The following BTN3A1 variants were observed in gnomAD, a reference collection of about 807,000 sequenced individuals.
BTN3A1 encodes the protein butyrophilin subfamily 3 member A1.
A neutral mutation model predicts 43.0 loss-of-function variants in BTN3A1; 24 were observed. That is an observed-to-expected ratio of 0.56 (90% CI 0.40 to 0.78). The LOEUF is 0.78. Among genes scored for constraint, BTN3A1 ranks in the 30% least tolerant of loss-of-function variants. BTN3A1 has a pLI of 0.00. For missense variants in BTN3A1, 533 were observed against 626.2 expected, an observed-to-expected ratio of 0.85 and a Z score of 1.59; for synonymous variants, 181 against 234.7, an observed-to-expected ratio of 0.77 and a Z score of 2.09.
chr6:26,405,683 A>T (rs1002006751), intron 2 of BTN3A1, 35 bp downstream of exon 2: 13 of 1,610,442 alleles, frequency 8.1e-6, no homozygotes, highest in Non-Finnish European at 1.1e-5. Context: ...TCTGAAGCAG[A>T]CAATTACCTA....
At chr6:26,412,888 A>T (rs1581634110) in intron 9 of BTN3A1, 1 of 1,495,344 alleles carries the variant, frequency 6.7e-7, no homozygotes, top group East Asian at 2.5e-5. Context: ...AAAAACGTAG[A>T]AAGGATCCTT....
chr6:26,405,528 C>T lies in BTN3A1; in HGVS notation c.-36C>T, dbSNP rs776107351. ...GCTTCTTCCAGGTCATAGTGTCTGC[C>T]CCCCACCTTCCAGTATCTCCTGATA... On this transcript the variant is annotated 5_prime_UTR_variant, in exon 2 of 10. Transcript: ENST00000289361. The T allele has an allele frequency of 4.1e-5, 66 of 1,590,366 alleles. No individual in the cohort carries two copies. Among genetic ancestry groups the T allele is most frequent in the Non-Finnish European group, 5.4e-5 (62 of 1,158,512 alleles).
rs1356154148 is a variant in BTN3A1, at chr6:26,411,825, A to G, written c.1018+244A>G. On this transcript the variant is annotated intron_variant, in intron 9 of 9. Transcript: ENST00000289361. ...CTTCCTCAGACCTTCCTGGGAAGGAAGACATATAAAGGGTGGATCTGAGGG... is the reference window on the plus strand; with the variant it reads ...CTTCCTCAGACCTTCCTGGGAAGGAGGACATATAAAGGGTGGATCTGAGGG... 1.0e-5 allele frequency: 5 copies of G among 497,682 alleles called. 1 individual carries two copies. The highest frequency in any genetic ancestry group is 1.8e-5 in the Non-Finnish European group (5 of 280,740). 30.8% of individuals were successfully genotyped at this position (497,682 alleles called of 1,614,324 possible). A position where few individuals can be genotyped will look rare whatever the true frequency, so the allele number is the denominator to read the frequency against.
intron 9 of BTN3A1, 76 bp from the exon 10 acceptor site, chr6:26,413,093 C>A: frequency 6.4e-7 from 1 of 1,551,864 alleles, no homozygotes; most frequent in Non-Finnish European, 8.7e-7. Flanking sequence ...CAGCATGGCC[C>A]AGGCCTTGCA....
At position 26,405,505 on chromosome 6, in the gene BTN3A1, T is replaced by C. The variant is rs1761982110; in HGVS notation, c.-59T>C. 4 of 1,500,954 alleles carry C rather than the reference T, an allele frequency of 2.7e-6. No individual in the cohort carries two copies. The highest frequency in any genetic ancestry group is 2.3e-5 in the East Asian group (1 of 44,326). 93.0% of individuals were successfully genotyped at this position (1,500,954 alleles called of 1,614,324 possible). ...AGGTTTCCATTTGGAATTCTATAGC[T>C]TCTTCCAGGTCATAGTGTCTGCCCC... is the stretch of plus-strand genomic sequence containing the variant. On this transcript the variant is annotated 5_prime_UTR_variant, in exon 2 of 10. Transcript: ENST00000289361.
At chr6:26,412,370 C>T (rs1199362486) in intron 9 of BTN3A1, 7 of 750,012 alleles carry the variant, frequency 9.3e-6, no homozygotes, top group South Asian at 1.5e-5. Context: ...GGAAATTAAA[C>T]GGTGTGTCTC....
chr6:26,403,089 G>A (rs1405103561), intron 1 of BTN3A1, among the ~76,000 whole-genome samples: 1 of 152,102 alleles, frequency 6.6e-6, no homozygotes, highest in East Asian at 1.9e-4. Context: ...GTTTTGAGAT[G>A]CAGTCTTGCT....
intron 5 of BTN3A1, 67 bp downstream of exon 5, chr6:26,409,800 A>T: frequency 1.2e-6 from 2 of 1,607,554 alleles, no homozygotes; most frequent in Non-Finnish European, 1.7e-6. Context: ...CCTCACGCCC[A>T]TCCCCACCGC....
rs927014852 is a variant in BTN3A1, at chr6:26,413,906, T to A, written c.*214T>A. ...AGCACGCACTGAAGCACTTTACTGATACTCATTCAATTATTCATATGACAG... is the reference window on the plus strand; with the variant it reads ...AGCACGCACTGAAGCACTTTACTGAAACTCATTCAATTATTCATATGACAG... On this transcript the variant is annotated 3_prime_UTR_variant, in exon 10 of 10. Coordinates refer to ENST00000289361, the MANE Select transcript of BTN3A1 (RefSeq NM_007048.6). 97 of 777,650 alleles carry A rather than the reference T, an allele frequency of 1.2e-4. No homozygotes were observed. The highest frequency in any genetic ancestry group is 1.8e-4 in the Non-Finnish European group (91 of 494,252). The allele number at this position is 777,650 out of a possible 1,614,324, so 48.2% of individuals were successfully genotyped here.
chr6:26,408,780 G>C (rs1294143305), intron 4 of BTN3A1, among the ~76,000 whole-genome samples: 1 of 152,040 alleles, frequency 6.6e-6, no homozygotes, highest in African/African-American at 2.4e-5. Context: ...AACTGTGAAA[G>C]AAAAAAGAGA....
intron 7 of BTN3A1, 79 bp from the exon 8 acceptor site, chr6:26,411,030 A>C: frequency 1.3e-6 from 1 of 785,656 alleles, no homozygotes; most frequent in Non-Finnish European, 2.0e-6. Context: ...AAAAGATTAG[A>C]TGGATGTAAA....
chr6:26,405,878 C>T (rs1175886076), intron 2 of BTN3A1, 31 bp from the exon 3 acceptor site: 2 of 1,613,472 alleles, frequency 1.2e-6, no homozygotes, highest in South Asian at 2.2e-5. Context: ...CTCCAAAACC[C>T]TCTGACAGAT....
chr6:26,402,952 C>A (rs1485017990), intron 1 of BTN3A1, among the ~76,000 whole-genome samples: 4 of 152,192 alleles, frequency 2.6e-5, no homozygotes, highest in Non-Finnish European at 5.9e-5. Context: ...ATACATTAAA[C>A]CTTGTTTTAA....
Position 26,411,000 on chromosome 6 carries a change from T to TAAAAAAAAAAAAAAAA in BTN3A1, c.965-101_965-86dup, listed in dbSNP as rs1170183887. On this transcript the variant is annotated intron_variant, in intron 7 of 9. Coordinates refer to ENST00000289361, the MANE Select transcript of BTN3A1 (RefSeq NM_007048.6). ...CTGCAGAGGAGGAAGATACAGGTGG[T>TAAAAAAAAAAAAAAAA]AAAAAAAAAAAAAAAAAAAAAAAGA... 6.9e-4 allele frequency: 249 copies of TAAAAAAAAAAAAAAAA among 359,608 alleles called. 7 individuals carry two copies. The highest frequency in any genetic ancestry group is 5.7e-3 in the African/African-American group (120 of 21,102). 22.3% of individuals were successfully genotyped at this position (359,608 alleles called of 1,614,324 possible). A position where few individuals can be genotyped will look rare whatever the true frequency, so the allele number is the denominator to read the frequency against.
intron 9 of BTN3A1, 147 bp from the exon 10 acceptor site, chr6:26,413,022 T>A: frequency 2.7e-6 from 4 of 1,483,314 alleles, no homozygotes; most frequent in Non-Finnish European, 3.6e-6. Flanking sequence ...TCTCCTGACA[T>A]CGATGAGAGA....
chr6:26,406,498 G>A (rs1762024303), intron 3 of BTN3A1, among the ~76,000 whole-genome samples: 1 of 152,186 alleles, frequency 6.6e-6, no homozygotes. Flanking sequence ...AGAGATATAA[G>A]GGAAGTGAAG....
At chr6:26,403,543 C>CA (rs1022733764) in intron 1 of BTN3A1, among the ~76,000 whole-genome samples, 1 of 148,534 alleles carries the variant, frequency 6.7e-6, no homozygotes, top group African/African-American at 2.5e-5. Flanking sequence ...AAGCACACAC[C>CA]TTTTTTTTTT....
Position 26,412,840 on chromosome 6 carries a change from G to A in BTN3A1, c.1019-329G>A. 2.6e-6 allele frequency: 4 copies of A among 1,537,002 alleles called. No homozygotes were observed. The South Asian group carries it at 3.7e-5, about 14-fold the overall frequency. ...TTGAAAATTAACCTCTGAGTATAAA[G>A]CATTAGTGGGCAGAGTGAATATGGG... On this transcript the variant is annotated intron_variant, in intron 9 of 9. Transcript: ENST00000289361.
At chr6:26,411,433 G>A in intron 8 of BTN3A1, 122 bp from the exon 9 acceptor site, 1 of 1,256,620 alleles carries the variant, frequency 8.0e-7, no homozygotes, top group Middle Eastern at 2.7e-4. Flanking sequence ...GTAGAAGAGG[G>A]AGGCTGGACC....
Sources: gnomAD v4.1 joint callset for allele counts (sites outside exome capture counted in the v4.1 genomes callset) on GRCh38, gnomAD v4.1.1 for gene constraint, MANE v1.5 for transcripts, NCBI Gene and HGNC (gene_info 2026-07-23, HGNC 2026-07-21) for gene names.